The following CHD9 variants were observed in gnomAD, a reference collection of about 807,000 sequenced individuals.
CHD9 encodes the protein chromodomain helicase DNA binding protein 9.
Under a neutral mutation model 316.1 loss-of-function variants are expected in CHD9, and 77 were observed. That is an observed-to-expected ratio of 0.24 (90% confidence interval 0.20 to 0.29). The LOEUF is 0.29. CHD9 is among the 10% of genes least tolerant of loss of function. The pLI is 1.00. For missense variants in CHD9, 2,763 were observed against 3,438.1 expected (o/e 0.80, Z 4.91); for synonymous variants, 1,129 against 1,158.3 (o/e 0.97, Z 0.51).
chr16:53,147,872 G>A (rs1046347201), intron 1 of CHD9, among the ~76,000 whole-genome samples: 2 of 152,000 alleles, frequency 1.3e-5, no homozygotes, highest in African/African-American at 4.8e-5. Context: ...TGATATTGCT[G>A]GGTCATAAGG....
At chr16:53,231,827 G>T in intron 10 of CHD9, 43 bp downstream of exon 10, 1 of 1,498,730 alleles carries the variant, frequency 6.7e-7, no homozygotes, top group Non-Finnish European at 9.0e-7. Flanking sequence ...CTTAGCACTT[G>T]TTTATGTAAG....
In CHD9 at chr16:53,324,198, G is replaced by T. The variant is rs1216249987; in HGVS notation, c.7997G>T (p.Gly2666Val). 2 of 1,614,012 alleles carry T rather than the reference G, an allele frequency of 1.2e-6. No homozygotes were observed. The highest frequency in any genetic ancestry group is 1.7e-6 in the Non-Finnish European group (2 of 1,179,880). ...TTGTTAGCCAATGGACTACTTCCAG[G>T]TGTGGATCTCACAACTCTTCAGGCC... is the stretch of plus-strand genomic sequence containing the variant. ...NPLLANGLLP[G>V]VDLTTLQALQ... The change falls in exon 39 of 39, where the codon GGT (glycine) becomes GTT (valine). Residue 2666 changes from glycine (G) to valine (V), a missense_variant. Coordinates refer to ENST00000447540, the MANE Select transcript of CHD9 (RefSeq NM_001308319.2).
chr16:53,132,295 A>G (rs1403845749), intron 1 of CHD9, among the ~76,000 whole-genome samples: 1 of 152,092 alleles, frequency 6.6e-6, no homozygotes, highest in Non-Finnish European at 1.5e-5. Context: ...CCCCTGTATT[A>G]AATAAAGTTT....
chr16:53,094,620 G>T (rs2036228469), intron 1 of CHD9, among the ~76,000 whole-genome samples: 1 of 151,392 alleles, frequency 6.6e-6, no homozygotes, highest in Admixed American at 6.6e-5. Flanking sequence ...AGTCCCAAGA[G>T]CAGGCTTTTG....
At chr16:53,286,522 GGAA>G (rs894693960) in intron 26 of CHD9, among the ~76,000 whole-genome samples, 179 bp downstream of exon 26, 2 of 152,198 alleles carry the variant, frequency 1.3e-5, no homozygotes, top group African/African-American at 4.8e-5. Context: ...ATGTGATCGA[GGAA>G]GAGGTTGGAC....
intron 2 of CHD9, among the ~76,000 whole-genome samples, chr16:53,158,228 C>A (rs1265626375): frequency 6.6e-6 from 1 of 152,080 alleles, no homozygotes; most frequent in Non-Finnish European, 1.5e-5. Context: ...ATTTTAATAA[C>A]CCAGACATAG....
At chr16:53,205,514 T>G (rs2045828915) in intron 2 of CHD9, among the ~76,000 whole-genome samples, 1 of 152,178 alleles carries the variant, frequency 6.6e-6, no homozygotes, top group Non-Finnish European at 1.5e-5. Flanking sequence ...ATTGTATGTT[T>G]GTGTGTGTGA....
At chr16:53,205,199 T>G (rs2045802797) in intron 2 of CHD9, among the ~76,000 whole-genome samples, 1 of 152,222 alleles carries the variant, frequency 6.6e-6, no homozygotes, top group Non-Finnish European at 1.5e-5. Context: ...TTTTAAATTT[T>G]TAAATACTTT....
chr16:53,273,200 A>T (rs1179147832), intron 22 of CHD9, among the ~76,000 whole-genome samples: 2 of 152,226 alleles, frequency 1.3e-5, no homozygotes, highest in Admixed American at 6.5e-5. Flanking sequence ...AATAACTCAA[A>T]GAACTAAAAT....
At position 53,156,859 on chromosome 16, in the gene CHD9, C is replaced by A; in HGVS notation, c.770C>A (p.Pro257Gln). ...GAAGGAAATTTTAATGGACCTTCCC[C>A]AAATATGACTTCTTGTTCTGTCAGT... ...HQEGNFNGPS[P>Q]NMTSCSVSNS... The change falls in exon 2 of 39, where the codon CCA becomes CAA. Residue 257 changes from proline to glutamine, a missense_variant. Physicochemically the swap from Pro to Gln is moderately conservative, Grantham distance 76. Coordinates refer to ENST00000447540, the MANE Select transcript of CHD9 (RefSeq NM_001308319.2). 1 of 1,613,592 alleles carries A rather than the reference C, an allele frequency of 6.2e-7. No homozygotes were observed. Among genetic ancestry groups the A allele is most frequent in the Non-Finnish European group, 8.5e-7 (1 of 1,179,684 alleles).
Position 53,062,995 on chromosome 16 carries a change from G to A in CHD9, c.-165+7918G>A, listed in dbSNP as rs191274940. On this transcript the variant is annotated intron_variant, in intron 1 of 38. Coordinates refer to ENST00000447540, the MANE Select transcript of CHD9 (RefSeq NM_001308319.2). ...AGATCGCGCCATTGCACTCTAGCCT[G>A]GGCAACAAGAGTGAAACTCCGTCTC... 5.3e-5 allele frequency among the ~76,000 whole-genome samples: 8 copies of A among 152,032 alleles called. No homozygotes were observed. The East Asian group carries it at 1.2e-3, about 22-fold the overall frequency.
Position 53,242,875 on chromosome 16 carries a change from C to G in CHD9, c.2913C>G (p.Ala971=), listed in dbSNP as rs1305618913. ...TTCGAGGAGCTTACAGATTCCAAGCCATCATCACCACTTTTGAAATGATTC... is the reference window on the plus strand; with the variant it reads ...TTCGAGGAGCTTACAGATTCCAAGCGATCATCACCACTTTTGAAATGATTC... ...RIIRGAYRFQ[A]IITTFEMILG... is the part of the protein sequence containing the mutation. The change falls in exon 13 of 39, where the codon GCC becomes GCG. Residue 971 remains alanine, a synonymous_variant. Coordinates refer to ENST00000447540, the MANE Select transcript of CHD9 (RefSeq NM_001308319.2). The G allele has an allele frequency of 3.7e-6, 6 of 1,613,180 alleles. No individual in the cohort carries two copies. In the African/African-American group the frequency reaches 8.0e-5, roughly 22 times the overall value.
chr16:53,119,022 C>T (rs932090642), intron 1 of CHD9, among the ~76,000 whole-genome samples: 2 of 152,044 alleles, frequency 1.3e-5, no homozygotes, highest in Non-Finnish European at 1.5e-5. Context: ...GAACTCCTGA[C>T]CTCAAGTGAT....
At chr16:53,213,920 T>A (rs1347435047) in intron 3 of CHD9, among the ~76,000 whole-genome samples, 4 of 152,158 alleles carry the variant, frequency 2.6e-5, no homozygotes, top group Admixed American at 6.5e-5. Flanking sequence ...ACCATAATTA[T>A]CCTTTGTATG....
At chr16:53,161,316 A>G (rs1025790246) in intron 2 of CHD9, among the ~76,000 whole-genome samples, 7 of 152,218 alleles carry the variant, frequency 4.6e-5, no homozygotes, top group Admixed American at 1.3e-4. Flanking sequence ...TGTGGAATTC[A>G]TGACAAATTT....
chr16:53,231,778 A>G lies in CHD9; in HGVS notation c.2505A>G (p.Arg835=), dbSNP rs376887875. ...EQLQASRPDT[R]RLDRPPSNIW... ...TGCAAGCTTCAAGGCCTGACACAAG[A>G]CGTTTGGTAAGAACCTGTTTTAGAC... The change falls in exon 10 of 39, where the codon AGA becomes AGG. Residue 835 remains arginine, a synonymous_variant. Coordinates refer to ENST00000447540, the MANE Select transcript of CHD9 (RefSeq NM_001308319.2). The G allele has an allele frequency of 3.8e-6, 6 of 1,596,502 alleles. No individual in the cohort carries two copies. In the African/African-American group the frequency reaches 6.8e-5, roughly 18 times the overall value.
At chr16:53,195,283 G>A (rs921970329) in intron 2 of CHD9, among the ~76,000 whole-genome samples, 37 of 152,138 alleles carry the variant, frequency 2.4e-4, no homozygotes. Context: ...TCATAGGTTA[G>A]TTTTGCATGT....
At chr16:53,305,783 T>C (rs117747549) in intron 31 of CHD9, among the ~76,000 whole-genome samples, 6 of 152,268 alleles carry the variant, frequency 3.9e-5, no homozygotes, top group East Asian at 3.9e-4. Flanking sequence ...AACAACTCCA[T>C]AGGCATAACT....
intron 20 of CHD9, among the ~76,000 whole-genome samples, chr16:53,266,133 G>T (rs2051662806): frequency 6.6e-6 from 1 of 151,798 alleles, no homozygotes; most frequent in Non-Finnish European, 1.5e-5. Flanking sequence ...AGATCCATCA[G>T]TGAATTCTAA....
Sources: gnomAD v4.1 joint callset for allele counts (sites outside exome capture counted in the v4.1 genomes callset) on GRCh38, gnomAD v4.1.1 for gene constraint, MANE v1.5 for transcripts, NCBI Gene and HGNC (gene_info 2026-07-23, HGNC 2026-07-21) for gene names.